The following RIT2 variants were observed in gnomAD, a reference collection of about 807,000 sequenced individuals.
The protein encoded by RIT2 is Ras like without CAAX 2.
In RIT2, 24 loss-of-function variants were observed where a neutral mutation model predicts 23.7. The ratio of observed to expected loss-of-function variants is 1.01; its 90% CI spans 0.73 to 1.43. The LOEUF (loss-of-function observed/expected upper bound fraction) is 1.43, where lower values mean the gene tolerates loss of function less well. Among genes scored for constraint, RIT2 ranks in the 40% most tolerant of loss-of-function variants. RIT2 has a pLI of 0.00. For synonymous variants in RIT2, 107 were observed against 91.1 expected, an observed-to-expected ratio of 1.17 and a Z score of -0.99; for missense variants, 236 against 266.9, an observed-to-expected ratio of 0.88 and a Z score of 0.81.
At chr18:43,096,792 G>T (rs963557034) in intron 1 of RIT2, among the ~76,000 whole-genome samples, 1 of 151,680 alleles carries the variant, frequency 6.6e-6, no homozygotes, top group African/African-American at 2.4e-5. Flanking sequence ...TACTCAAAAA[G>T]TTATATAAAA....
At chr18:42,794,828 T>C (rs1031748929) in intron 4 of RIT2, among the ~76,000 whole-genome samples, 1 of 152,226 alleles carries the variant, frequency 6.6e-6, no homozygotes, top group Admixed American at 6.5e-5. Context: ...GCCTTGCTAA[T>C]TTTTCTTTTA....
intron 1 of RIT2, among the ~76,000 whole-genome samples, chr18:43,097,528 T>C (rs150682976): frequency 1.3e-5 from 2 of 151,942 alleles, no homozygotes; most frequent in East Asian, 1.9e-4. Flanking sequence ...AGAAAGCTAT[T>C]GGAAAAGAGT....
chr18:42,806,264 T>C (rs1444691616), intron 4 of RIT2, among the ~76,000 whole-genome samples: 1 of 151,514 alleles, frequency 6.6e-6, no homozygotes, highest in African/African-American at 2.4e-5. Flanking sequence ...AGGTCAAGAG[T>C]TCGAGACCAG....
At position 42,743,294 on chromosome 18, in the gene RIT2, T is replaced by G; in HGVS notation, c.*199A>C. On this transcript the variant is annotated 3_prime_UTR_variant, in exon 5 of 5. Coordinates refer to ENST00000326695, the MANE Select transcript of RIT2 (RefSeq NM_002930.4). ...AAAACTAAACAGCATATCCAGCTGA[T>G]TGACAAAATCCATCCAACTGTTAAA... is the stretch of plus-strand genomic sequence containing the variant. The G allele has an allele frequency of 1.7e-6, 1 of 587,538 alleles. No individual in the cohort carries two copies. The highest frequency in any genetic ancestry group is 3.0e-6 in the Non-Finnish European group (1 of 331,834). 36.4% of individuals were successfully genotyped at this position (587,538 alleles called of 1,614,324 possible).
intron 4 of RIT2, among the ~76,000 whole-genome samples, chr18:42,850,819 A>T (rs1907035595): frequency 6.6e-6 from 1 of 152,084 alleles, no homozygotes; most frequent in African/African-American, 2.4e-5. Flanking sequence ...GTGCTTCCTT[A>T]ACTCCCAGTT....
chr18:42,768,049 T>C (rs1473683858), intron 4 of RIT2, among the ~76,000 whole-genome samples: 1 of 151,996 alleles, frequency 6.6e-6, no homozygotes. Context: ...TATACATGTA[T>C]ATATGTAGTA....
chr18:43,040,227 C>T lies in RIT2; in HGVS notation c.104-6360G>A, dbSNP rs139700917. On this transcript the variant is annotated intron_variant, in intron 1 of 4. Transcript: ENST00000326695. ...TAGATGTGTTTTAGACATCCTGAATCAGAAAATTAAGCTGCATGCATGTGT... is the reference window on the plus strand; with the variant it reads ...TAGATGTGTTTTAGACATCCTGAATTAGAAAATTAAGCTGCATGCATGTGT... Among the ~76,000 whole-genome samples the T allele has an allele frequency of 2.8e-3, 429 of 152,252 alleles. 3 individuals carry two copies. Among genetic ancestry groups the T allele is most frequent in the African/African-American group, 9.7e-3 (402 of 41,540 alleles).
intron 1 of RIT2, among the ~76,000 whole-genome samples, chr18:43,091,130 ATG>A (rs1189893340): frequency 6.6e-6 from 1 of 151,790 alleles, no homozygotes; most frequent in Non-Finnish European, 1.5e-5. Flanking sequence ...AATAAACAGA[ATG>A]TGTTTTCATT....
chr18:43,051,743 A>G (rs888111023), intron 1 of RIT2, among the ~76,000 whole-genome samples: 3 of 152,178 alleles, frequency 2.0e-5, no homozygotes, highest in Non-Finnish European at 2.9e-5. Context: ...GCTTTGAAGT[A>G]GCTCATTAAC....
intron 4 of RIT2, among the ~76,000 whole-genome samples, chr18:42,814,518 T>C (rs1200193114): frequency 1.3e-5 from 2 of 152,076 alleles, no homozygotes; most frequent in African/African-American, 4.8e-5. Context: ...CATAACTCCA[T>C]TGACCTGGGA....
At chr18:42,883,750 T>G (rs1233838289) in intron 4 of RIT2, among the ~76,000 whole-genome samples, 1 of 152,196 alleles carries the variant, frequency 6.6e-6, no homozygotes, top group Non-Finnish European at 1.5e-5. Context: ...TTTATCAGAG[T>G]TCCTCTGTTC....
intron 2 of RIT2, among the ~76,000 whole-genome samples, chr18:43,027,246 C>T (rs1317615623): frequency 6.6e-6 from 1 of 152,038 alleles, no homozygotes; most frequent in Non-Finnish European, 1.5e-5. Context: ...GTGGTACATT[C>T]AACTCTGAGC....
chr18:43,034,724 T>A (rs1911936323), intron 1 of RIT2, among the ~76,000 whole-genome samples: 1 of 152,180 alleles, frequency 6.6e-6, no homozygotes, highest in South Asian at 2.1e-4. Context: ...GCATTCTGGC[T>A]GGGTCTATAT....
intron 4 of RIT2, among the ~76,000 whole-genome samples, chr18:42,756,772 G>A (rs1913173181): frequency 6.6e-6 from 1 of 151,968 alleles, no homozygotes; most frequent in South Asian, 2.1e-4. Context: ...ACCTTCAGGG[G>A]ATTGGTTATT....
chr18:42,966,825 C>CATAT (rs146823614), intron 3 of RIT2, among the ~76,000 whole-genome samples: 5 of 150,508 alleles, frequency 3.3e-5, no homozygotes, highest in African/African-American at 7.3e-5. Flanking sequence ...CACATATAGA[C>CATAT]ATATATATAT....
chr18:43,016,588 A>T (rs572401935), intron 2 of RIT2, among the ~76,000 whole-genome samples: 2 of 151,910 alleles, frequency 1.3e-5, no homozygotes, highest in Non-Finnish European at 2.9e-5. Context: ...CAGGTAAGTC[A>T]TAAGCACACC....
intron 4 of RIT2, among the ~76,000 whole-genome samples, chr18:42,789,329 G>A (rs566159738): frequency 6.6e-6 from 1 of 152,226 alleles, no homozygotes; most frequent in East Asian, 1.9e-4. Context: ...TTGAATCACT[G>A]GTCTAAGGTT....
intron 4 of RIT2, among the ~76,000 whole-genome samples, chr18:42,785,398 A>C (rs534518156): frequency 1.1e-4 from 16 of 151,942 alleles, no homozygotes; most frequent in South Asian, 1.0e-3. Flanking sequence ...TGGAGTTGAG[A>C]GATTATATCA....
In RIT2 at chr18:42,913,195, GCC is replaced by G. The variant is rs1491182676; in HGVS notation, c.426+10375_426+10376del. Among the ~76,000 whole-genome samples the G allele has an allele frequency of 7.5e-3, 974 of 129,410 alleles. 11 individuals are homozygous for G. The highest frequency in any genetic ancestry group is 0.03 in the African/African-American group (938 of 31,544). The allele number at this position is 129,410 out of a possible 152,430, so 84.9% of individuals were successfully genotyped here. A position where few individuals can be genotyped will look rare whatever the true frequency, so the allele number is the denominator to read the frequency against. ...TGCTGGAGCAATTAACCATCCATCA[GCC>G]AAAAAAAAAAAACAAATTTATACAA... On this transcript the variant is annotated intron_variant, in intron 4 of 4. Transcript: ENST00000326695.
Sources: gnomAD v4.1 joint callset for allele counts (sites outside exome capture counted in the v4.1 genomes callset) on GRCh38, gnomAD v4.1.1 for gene constraint, MANE v1.5 for transcripts, NCBI Gene and HGNC (gene_info 2026-07-23, HGNC 2026-07-21) for gene names.